KNCN: variants seen among roughly 807,000 people sequenced by gnomAD.
KNCN encodes kinocilin.
A neutral mutation model predicts 10.4 loss-of-function variants in KNCN; 11 were observed. That is an observed-to-expected ratio of 1.06 (90% CI 0.67 to 1.75). KNCN has a LOEUF of 1.75. Ranked by LOEUF, KNCN falls within the 40% of genes most tolerant of loss-of-function variation. The pLI is 0.00. For missense variants in KNCN, 172 were observed against 167.1 expected, an observed-to-expected ratio of 1.03 and a Z score of -0.16; for synonymous variants, 67 against 71.6, an observed-to-expected ratio of 0.94 and a Z score of 0.33.
In KNCN at chr1:46,547,575, C is replaced by T. The variant is rs1439242929; in HGVS notation, c.*155G>A. ...TTGGAGAGGCTTGGCCGGGCGAGTGCAAAAGGCCCCATTCCAGACACTGTT... is the reference window on the plus strand; with the variant it reads ...TTGGAGAGGCTTGGCCGGGCGAGTGTAAAAGGCCCCATTCCAGACACTGTT... On this transcript the variant is annotated 3_prime_UTR_variant, in exon 4 of 4. Transcript: ENST00000481882. 1 of 725,522 alleles carries T rather than the reference C, an allele frequency of 1.4e-6. No individual in the cohort carries two copies. Among genetic ancestry groups the T allele is most frequent in the Non-Finnish European group, 2.5e-6 (1 of 395,486 alleles). The allele number at this position is 725,522 out of a possible 1,614,324, so 44.9% of individuals were successfully genotyped here.
intron 2 of KNCN, 34 bp downstream of exon 2, chr1:46,549,900 A>C (rs1356591439): frequency 6.4e-7 from 1 of 1,550,558 alleles, no homozygotes; most frequent in Middle Eastern, 1.7e-4. Flanking sequence ...AGTCCTTGGC[A>C]GAGGGGTCTG....
rs373416209 is a variant in KNCN, at chr1:46,549,272, A to C, written c.221-5T>G. 1.0e-4 allele frequency: 164 copies of C among 1,609,890 alleles called. No individual in the cohort carries two copies. The highest frequency in any genetic ancestry group is 1.3e-4 in the Non-Finnish European group (148 of 1,177,810). ...GGGGATGGATTCTTAGGCTCCCTGC[A>C]GGATGAGACCACCCCAAGCCCCCTG... On this transcript the variant is annotated splice_polypyrimidine_tract_variant and splice_region_variant and intron_variant, in intron 2 of 3. Coordinates refer to ENST00000481882, the MANE Select transcript of KNCN (RefSeq NM_001322255.2).
intron 2 of KNCN, chr1:46,549,715 A>AG: frequency 1.3e-6 from 1 of 743,958 alleles, no homozygotes; most frequent in South Asian, 1.9e-5. Flanking sequence ...CCCAGCTCTG[A>AG]GCTGGTTCAG....
chr1:46,549,380 T>C, intron 2 of KNCN, 113 bp from the exon 3 acceptor site: 1 of 703,438 alleles, frequency 1.4e-6, no homozygotes, highest in Non-Finnish European at 2.4e-6. Flanking sequence ...TGATGCTGTC[T>C]TTGCTCCACT....
Position 46,547,715 on chromosome 1 carries a change from C to T in KNCN, c.*15G>A, listed in dbSNP as rs768888255. On this transcript the variant is annotated 3_prime_UTR_variant, in exon 4 of 4. Coordinates refer to ENST00000481882, the MANE Select transcript of KNCN (RefSeq NM_001322255.2). ...GATGGGAGGGCAGGGCATGGGCAGC[C>T]GCTCAGACTTTGCCTCAGCATTCCT... The T allele has an allele frequency of 1.2e-5, 18 of 1,515,708 alleles. No individual in the cohort carries two copies. The highest frequency in any genetic ancestry group is 2.1e-5 in the Admixed American group (1 of 47,506). 93.9% of individuals were successfully genotyped at this position (1,515,708 alleles called of 1,614,324 possible). A position where few individuals can be genotyped will look rare whatever the true frequency, so the allele number is the denominator to read the frequency against.
rs1260355383 is a variant in KNCN, at chr1:46,547,301, TCTGTGGTTCTTGTGGGC to T, written c.*412_*428del. 2 of 442,856 alleles carry T rather than the reference TCTGTGGTTCTTGTGGGC, an allele frequency of 4.5e-6. No homozygotes were observed. Among genetic ancestry groups the T allele is most frequent in the Non-Finnish European group, 9.1e-6 (2 of 220,828 alleles). 27.4% of individuals were successfully genotyped at this position (442,856 alleles called of 1,614,324 possible). A position where few individuals can be genotyped will look rare whatever the true frequency, so the allele number is the denominator to read the frequency against. On this transcript the variant is annotated 3_prime_UTR_variant, in exon 4 of 4. Coordinates refer to ENST00000481882, the MANE Select transcript of KNCN (RefSeq NM_001322255.2). ...AGACCGTGGGGGTGGAGGGTCCCTG[TCTGTGGTTCTTGTGGGC>T]CTGTGGTTCACTTCTGTAGCCGGGT...
chr1:46,551,376 C>T lies in KNCN; in HGVS notation c.-161G>A, dbSNP rs892738711. 2 of 701,612 alleles carry T rather than the reference C, an allele frequency of 2.9e-6. No homozygotes were observed. The highest frequency in any genetic ancestry group is 4.5e-6 in the Non-Finnish European group (2 of 446,726). The allele number at this position is 701,612 out of a possible 1,614,324, so 43.5% of individuals were successfully genotyped here. On this transcript the variant is annotated 5_prime_UTR_variant, in exon 1 of 4. Coordinates refer to ENST00000481882, the MANE Select transcript of KNCN (RefSeq NM_001322255.2). The surrounding 1 kb of genome is among the most constrained non-coding windows in gnomAD (Gnocchi z 4.0). The stretch of plus-strand genomic sequence containing the variant: ...GGTGGGGAACCCTGGGATTTATCTG[C>T]AGTCCTATTCCACTGCTCCACTACG...
rs1483691583 is a variant in KNCN, at chr1:46,545,969, C to G, written c.*1761G>C. On this transcript the variant is annotated 3_prime_UTR_variant, in exon 4 of 4. Coordinates refer to ENST00000481882, the MANE Select transcript of KNCN (RefSeq NM_001322255.2). ...AGGAGAAGGGGCAGGGAATAGGCAG[C>G]AGCTGGGTGGAGAGGAGGGCAGTTC... 1 of 152,412 alleles carries G rather than the reference C, an allele frequency of 6.6e-6. No homozygotes were observed. Among genetic ancestry groups the G allele is most frequent in the South Asian group, 2.1e-4 (1 of 4,830 alleles). 9.4% of individuals were successfully genotyped at this position (152,412 alleles called of 1,614,324 possible). A position where few individuals can be genotyped will look rare whatever the true frequency, so the allele number is the denominator to read the frequency against.
In KNCN at chr1:46,547,474, C is replaced by T. The variant is rs1241931459; in HGVS notation, c.*256G>A. On this transcript the variant is annotated 3_prime_UTR_variant, in exon 4 of 4. Coordinates refer to ENST00000481882, the MANE Select transcript of KNCN (RefSeq NM_001322255.2). ...CAGAAAGAAAGGCCAGGGCAGGAGC[C>T]TGAAACATGGGAACCCTGTGGGGGC... 1.5e-6 allele frequency: 1 copy of T among 685,434 alleles called. No individual in the cohort carries two copies. The highest frequency in any genetic ancestry group is 2.7e-6 in the Non-Finnish European group (1 of 373,480). The allele number at this position is 685,434 out of a possible 1,614,324, so 42.5% of individuals were successfully genotyped here. A position where few individuals can be genotyped will look rare whatever the true frequency, so the allele number is the denominator to read the frequency against.
chr1:46,549,217 A>T lies in KNCN; in HGVS notation c.271T>A (p.Ser91Thr). 2 of 1,613,000 alleles carry T rather than the reference A, an allele frequency of 1.2e-6. No individual in the cohort carries two copies. The highest frequency in any genetic ancestry group is 1.7e-6 in the Non-Finnish European group (2 of 1,179,522). ...CCTTCCTTGTTGCCATTGGTGCTGG[A>T]TCTTCCTTCCCCGTGGTCTGCCCCT... Reference protein sequence around the residue: ...HPGADHGEGRSSTNGNKEGAR... With the variant: ...HPGADHGEGRTSTNGNKEGAR... Residue 91 changes from serine to threonine, a missense_variant, in exon 3 of 4, where the codon TCC becomes ACC. By Grantham distance (58) the Ser-to-Thr change is moderately conservative. Coordinates refer to ENST00000481882, the MANE Select transcript of KNCN (RefSeq NM_001322255.2).
chr1:46,550,947 C>T (rs369816457), intron 1 of KNCN, 118 bp downstream of exon 1: 127 of 1,035,858 alleles, frequency 1.2e-4, no homozygotes, highest in Middle Eastern at 7.5e-4. Context: ...CTCTAGCTTC[C>T]GTTCTCCCCA....
rs911227943 is a variant in KNCN at position 46,545,654 on chromosome 1, C to T, written c.*2076G>A. On this transcript the variant is annotated 3_prime_UTR_variant, in exon 4 of 4. Coordinates refer to ENST00000481882, the MANE Select transcript of KNCN (RefSeq NM_001322255.2). ...CTCTTGCCGTTGTATGCTTTCATTC[C>T]TTGATTTATTCCACCTGGTCCCCAG... is the stretch of plus-strand genomic sequence containing the variant. 5 of 152,306 alleles carry T rather than the reference C, an allele frequency of 3.3e-5. No individual in the cohort carries two copies. The highest frequency in any genetic ancestry group is 5.9e-5 in the Non-Finnish European group (4 of 68,110). The allele number at this position is 152,306 out of a possible 1,614,324, so 9.4% of individuals were successfully genotyped here. A position where few individuals can be genotyped will look rare whatever the true frequency, so the allele number is the denominator to read the frequency against.
In KNCN at chr1:46,551,200, T is replaced by C; in HGVS notation, c.16A>G (p.Ser6Gly). ...TGCAGGCCGCGGAAGTCTCTGCTGCTGATGGGGATGTCCATGCAGGCCCAC... is the reference window on the plus strand; with the variant it reads ...TGCAGGCCGCGGAAGTCTCTGCTGCCGATGGGGATGTCCATGCAGGCCCAC... MDIPI[S>G]SRDFRGLQLA... Residue 6 changes from serine (S) to glycine (G), a missense_variant, in exon 1 of 4, where the codon AGC becomes GGC. Ser to Gly is a moderately conservative substitution (Grantham distance 56, BLOSUM62 0). Transcript: ENST00000481882. This position sits in a 1 kb window ranked among gnomAD's most constrained non-coding sequence, Gnocchi z 4.0. 1.2e-6 allele frequency: 2 copies of C among 1,608,972 alleles called. No individual in the cohort carries two copies. Among genetic ancestry groups the C allele is most frequent in the Non-Finnish European group, 1.7e-6 (2 of 1,177,852 alleles).
In KNCN at chr1:46,551,467, A is replaced by C; in HGVS notation, c.-252T>G. 3 of 410,564 alleles carry C rather than the reference A, an allele frequency of 7.3e-6. No homozygotes were observed. The highest frequency in any genetic ancestry group is 5.2e-5 in the East Asian group (1 of 19,228). The allele number at this position is 410,564 out of a possible 1,614,324, so 25.4% of individuals were successfully genotyped here. On this transcript the variant is annotated 5_prime_UTR_variant, in exon 1 of 4. Coordinates refer to ENST00000481882, the MANE Select transcript of KNCN (RefSeq NM_001322255.2). This position sits in a 1 kb window ranked among gnomAD's most constrained non-coding sequence, Gnocchi z 4.0. ...CACCCAGCTTACTCTTCCTCTCTCA[A>C]AGCCCTCTGAAGCTGAAGCCCACCC...
intron 3 of KNCN, among the ~76,000 whole-genome samples, chr1:46,548,407 G>T (rs1168061849): frequency 6.6e-6 from 1 of 152,106 alleles, no homozygotes; most frequent in African/African-American, 2.4e-5. Context: ...GGTGGTTAAA[G>T]CTAGTACCCA....
rs759451540 is a variant in KNCN, at chr1:46,550,021, G to A, written c.152-19C>T. ...AGGAGCCCTGAGAAGAGACACAGGG[G>A]GTTCTGTGATGGGGAGGAGCCTGGT... is the stretch of plus-strand genomic sequence containing the variant. On this transcript the variant is annotated intron_variant, in intron 1 of 3. Coordinates refer to ENST00000481882, the MANE Select transcript of KNCN (RefSeq NM_001322255.2). 2 of 1,550,614 alleles carry A rather than the reference G, an allele frequency of 1.3e-6. No individual in the cohort carries two copies. The highest frequency in any genetic ancestry group is 2.4e-5 in the East Asian group (1 of 40,920).
In KNCN at chr1:46,549,780, C is replaced by T. The variant is rs1441894372; in HGVS notation, c.220+154G>A. ...TTCTGTAGTCATGGCAACGCCTGCACAACACACACACACACAGCAGCTCTA... is the reference window on the plus strand; with the variant it reads ...TTCTGTAGTCATGGCAACGCCTGCATAACACACACACACACAGCAGCTCTA... On this transcript the variant is annotated intron_variant, in intron 2 of 3. Coordinates refer to ENST00000481882, the MANE Select transcript of KNCN (RefSeq NM_001322255.2). The T allele has an allele frequency of 5.0e-6, 7 of 1,387,094 alleles. No homozygotes were observed. In the South Asian group the frequency reaches 8.2e-5, roughly 16 times the overall value. The allele number at this position is 1,387,094 out of a possible 1,614,324, so 85.9% of individuals were successfully genotyped here.
rs1200771255 is a variant in KNCN, at chr1:46,547,182, C to T, written c.*548G>A. 8.4e-6 allele frequency: 3 copies of T among 355,160 alleles called. No individual in the cohort carries two copies. Among genetic ancestry groups the T allele is most frequent in the East Asian group, 7.4e-5 (1 of 13,544 alleles). 22.0% of individuals were successfully genotyped at this position (355,160 alleles called of 1,614,324 possible). ...CCATCTGATTCACTGCTGCTCAGAG[C>T]CTGTCCCTGAGGAACTGCCAGGAGT... is the stretch of plus-strand genomic sequence containing the variant. On this transcript the variant is annotated 3_prime_UTR_variant, in exon 4 of 4. Coordinates refer to ENST00000481882, the MANE Select transcript of KNCN (RefSeq NM_001322255.2).
At position 46,546,587 on chromosome 1, in the gene KNCN, A is replaced by G. The variant is rs1666947089; in HGVS notation, c.*1143T>C. ...GGGTGCAGGTGTGGAGGGAGGAACA[A>G]TGTTTTCTGTGAGGCCACACCTGGG... On this transcript the variant is annotated 3_prime_UTR_variant, in exon 4 of 4. Transcript: ENST00000481882. 6.6e-6 allele frequency: 1 copy of G among 152,242 alleles called. No homozygotes were observed. The allele number at this position is 152,242 out of a possible 1,614,324, so 9.4% of individuals were successfully genotyped here.
Sources: allele counts gnomAD v4.1 joint callset (sites outside exome capture counted in the v4.1 genomes callset), GRCh38; gene constraint gnomAD v4.1.1; non-coding constraint Gnocchi (gnomAD v3.1); transcripts MANE v1.5; gene names NCBI Gene and HGNC (gene_info 2026-07-23, HGNC 2026-07-21).